The following DSCAM variants were observed in gnomAD, a reference collection of about 807,000 sequenced individuals.
The protein encoded by DSCAM is cell adhesion molecule DSCAM.
Under a neutral mutation model 217.7 loss-of-function variants are expected in DSCAM, and 47 were observed. The observed-to-expected ratio is 0.22, with a 90% CI of 0.17 to 0.28. DSCAM has a LOEUF of 0.28. Among genes scored for constraint, DSCAM ranks in the 10% least tolerant of loss-of-function variants. The probability of loss-of-function intolerance (pLI) is 1.00; values close to 1 mark genes in which losing one functional copy is unlikely to be tolerated. For missense variants in DSCAM, 2,080 were observed against 2,618.3 expected, an observed-to-expected ratio of 0.79 and a Z score of 4.49; for synonymous variants, 1,056 against 1,015.3, an observed-to-expected ratio of 1.04 and a Z score of -0.76.
At chr21:40,651,664 G>A (rs74939870) in intron 3 of DSCAM, among the ~76,000 whole-genome samples, 2,555 of 152,244 alleles carry the variant, frequency 0.017, 99 homozygotes, top group East Asian at 0.17. Flanking sequence ...CAGTTTCACC[G>A]CAGCTTTACA....
At chr21:40,405,295 G>A (rs1815598103) in intron 3 of DSCAM, among the ~76,000 whole-genome samples, 1 of 152,198 alleles carries the variant, frequency 6.6e-6, no homozygotes, top group African/African-American at 2.4e-5. Flanking sequence ...CTGAGACCTT[G>A]TGTATATAAT....
At chr21:40,561,259 G>A (rs923754703) in intron 3 of DSCAM, among the ~76,000 whole-genome samples, 1 of 152,134 alleles carries the variant, frequency 6.6e-6, no homozygotes, top group Non-Finnish European at 1.5e-5. Flanking sequence ...CAGTAGTTCA[G>A]ATTCAATGTG....
chr21:40,268,868 C>T (rs1479394914), intron 11 of DSCAM, among the ~76,000 whole-genome samples: 10 of 152,078 alleles, frequency 6.6e-5, no homozygotes, highest in Admixed American at 6.5e-4. Context: ...GCAGGAGAAC[C>T]TCCCTCACCA....
intron 20 of DSCAM, among the ~76,000 whole-genome samples, chr21:40,119,939 G>A (rs2090014310): frequency 6.6e-6 from 1 of 151,974 alleles, no homozygotes; most frequent in African/African-American, 2.4e-5. Context: ...CACATTTCTG[G>A]TTCTCGGAAG....
intron 32 of DSCAM, among the ~76,000 whole-genome samples, chr21:40,028,511 C>CT (rs1568897619): frequency 6.6e-6 from 1 of 150,936 alleles, no homozygotes; most frequent in Non-Finnish European, 1.5e-5. Flanking sequence ...ACTCCATGGG[C>CT]GTAGGACCCT....
chr21:40,781,735 A>C (rs969843834), intron 1 of DSCAM, among the ~76,000 whole-genome samples: 7 of 152,100 alleles, frequency 4.6e-5, no homozygotes, highest in Admixed American at 4.6e-4. Flanking sequence ...AACCCAGGCC[A>C]TTATTGCTTC....
intron 3 of DSCAM, among the ~76,000 whole-genome samples, chr21:40,539,882 TA>T (rs913974655): frequency 7.2e-5 from 11 of 152,244 alleles, no homozygotes; most frequent in African/African-American, 2.4e-4. Context: ...TTTATTAACA[TA>T]AAATCATTTT....
At chr21:40,431,920 C>T (rs73359166) in intron 3 of DSCAM, among the ~76,000 whole-genome samples, 2,229 of 152,270 alleles carry the variant, frequency 0.015, 39 homozygotes, top group African/African-American at 0.046. Flanking sequence ...ATTCTTCTGG[C>T]CAGGTGTGGT....
chr21:40,708,750 G>T lies in DSCAM; in HGVS notation c.65C>A (p.Ser22Tyr), dbSNP rs2090744993. The T allele has an allele frequency of 1.3e-6, 2 of 1,589,242 alleles. No individual in the cohort carries two copies. Among genetic ancestry groups the T allele is most frequent in the African/African-American group, 1.3e-5 (1 of 74,500 alleles). ...AGATGCATTGACAAAGTAGAGGCTG[G>T]AGTGTAGGTCTTCACTGAAAACTGC... ...FANVFSEDLHSSLYFVNASLQ... is the reference protein window; with the variant it reads ...FANVFSEDLHYSLYFVNASLQ... Residue 22 changes from serine (S) to tyrosine (Y), a missense_variant, in exon 2 of 33, where the codon TCC becomes TAC. Ser to Tyr is a moderately radical substitution (Grantham distance 144). Transcript: ENST00000400454.
rs2088162494 is a variant in DSCAM at position 40,016,591 on chromosome 21, TA to T, written c.5687-3206del. 6.6e-6 allele frequency among the ~76,000 whole-genome samples: 1 copy of T among 152,244 alleles called. No individual in the cohort carries two copies. The highest frequency in any genetic ancestry group is 2.4e-5 in the African/African-American group (1 of 41,464). On this transcript the variant is annotated intron_variant, in intron 32 of 32. Transcript: ENST00000400454. This position sits in a 1 kb window ranked among gnomAD's most constrained non-coding sequence, Gnocchi z 4.3. ...CTGCTTTCCTTATGTTACTGTATGC[TA>T]ACAATAATTAATTGAGCCTTCCTCA...
chr21:40,811,301 T>G (rs1569048232), intron 1 of DSCAM, among the ~76,000 whole-genome samples: 1 of 152,248 alleles, frequency 6.6e-6, no homozygotes, highest in South Asian at 2.1e-4. Flanking sequence ...AAATTAGTAT[T>G]TGTGGCTCTG....
chr21:40,061,441 C>A (rs1027181881), intron 28 of DSCAM, among the ~76,000 whole-genome samples: 1 of 151,716 alleles, frequency 6.6e-6, no homozygotes, highest in Non-Finnish European at 1.5e-5. Context: ...TGGTGGCGGG[C>A]GCCTGTAATC....
At chr21:40,184,117 T>TCACTTCC (rs1568987892) in intron 14 of DSCAM, among the ~76,000 whole-genome samples, 2 of 152,146 alleles carry the variant, frequency 1.3e-5, no homozygotes, top group African/African-American at 4.8e-5. Flanking sequence ...TGAAGGGGAA[T>TCACTTCC]AGGTAGTCAG....
chr21:40,714,933 A>G (rs1405499568), intron 1 of DSCAM, among the ~76,000 whole-genome samples: 1 of 152,200 alleles, frequency 6.6e-6, no homozygotes. Context: ...TCCTTCATGA[A>G]TGGATTATTG....
chr21:40,447,968 C>T (rs1209463151), intron 3 of DSCAM, among the ~76,000 whole-genome samples: 2 of 152,178 alleles, frequency 1.3e-5, no homozygotes, highest in African/African-American at 4.8e-5. Flanking sequence ...TTTATTTCTA[C>T]AGTTGTTATA....
At position 40,599,826 on chromosome 21, in the gene DSCAM, A is replaced by G. The variant is rs565034210; in HGVS notation, c.508+92984T>C. Among the ~76,000 whole-genome samples the G allele has an allele frequency of 1.5e-4, 23 of 152,318 alleles. No homozygotes were observed. The East Asian group carries it at 3.7e-3, about 24-fold the overall frequency. On this transcript the variant is annotated intron_variant, in intron 3 of 32. Coordinates refer to ENST00000400454, the MANE Select transcript of DSCAM (RefSeq NM_001389.5). ...ACTACCATCAGAGAATACTATAAAC[A>G]CCTCTATGCAAATAAACTAGAAAAT... is the stretch of plus-strand genomic sequence containing the variant.
intron 3 of DSCAM, among the ~76,000 whole-genome samples, chr21:40,544,289 G>A (rs926439275): frequency 1.5e-4 from 23 of 152,118 alleles, no homozygotes; most frequent in African/African-American, 3.4e-4. Context: ...CTGTCACATC[G>A]GAAACTTCAC....
At chr21:40,598,597 T>C (rs1381242910) in intron 3 of DSCAM, among the ~76,000 whole-genome samples, 2 of 139,038 alleles carry the variant, frequency 1.4e-5, no homozygotes, top group Non-Finnish European at 3.0e-5. Flanking sequence ...CTCCGCCTCC[T>C]GGGTTCAAGT....
chr21:40,735,331 G>T (rs962172187), intron 1 of DSCAM, among the ~76,000 whole-genome samples: 2 of 152,164 alleles, frequency 1.3e-5, no homozygotes, highest in Non-Finnish European at 2.9e-5. Flanking sequence ...AATACAACTA[G>T]TTAAGGAACG....
Sources: allele counts gnomAD v4.1 joint callset (sites outside exome capture counted in the v4.1 genomes callset), GRCh38; gene constraint gnomAD v4.1.1; non-coding constraint Gnocchi (gnomAD v3.1); transcripts MANE v1.5; gene names NCBI Gene and HGNC (gene_info 2026-07-23, HGNC 2026-07-21).